Variants in PDLIM1 observed in about 807,000 individuals in gnomAD.
The protein encoded by PDLIM1 is PDZ and LIM domain 1.
A neutral mutation model predicts 35.2 loss-of-function variants in PDLIM1; 25 were observed. That is an observed-to-expected ratio of 0.71 (90% CI 0.52 to 0.99). The LOEUF (loss-of-function observed/expected upper bound fraction) is 0.99, where lower values mean the gene tolerates loss of function less well. Among genes scored for constraint, PDLIM1 ranks in the 50% least tolerant of loss-of-function variants. The pLI, the probability that PDLIM1 is intolerant of heterozygous loss-of-function variation, is 0.00. For missense variants in PDLIM1, 363 were observed against 415.3 expected (o/e 0.87, Z 1.09); for synonymous variants, 152 against 154.0 (o/e 0.99, Z 0.10).
At chr10:95,272,731 A>C (rs1289443710) in intron 1 of PDLIM1, among the ~76,000 whole-genome samples, 1 of 152,156 alleles carries the variant, frequency 6.6e-6, no homozygotes, top group Non-Finnish European at 1.5e-5. Context: ...AGGATATCCT[A>C]AAGTATGGTA....
intron 1 of PDLIM1, among the ~76,000 whole-genome samples, chr10:95,273,640 A>C (rs1380283910): frequency 6.6e-6 from 1 of 152,016 alleles, no homozygotes; most frequent in Non-Finnish European, 1.5e-5. Flanking sequence ...TCATTTGTTT[A>C]CCAGAGATCT....
rs2035512234 is a variant in PDLIM1, at chr10:95,276,422, T to TG, written c.97-4639_97-4638insC. Among the ~76,000 whole-genome samples the TG allele has an allele frequency of 8.5e-5, 13 of 152,176 alleles. No individual in the cohort carries two copies. The South Asian group carries it at 1.2e-3, about 15-fold the overall frequency. ...ACAGGACAGTCACTCCCCTGCCCTG[T>TG]ACTGATCTGGGGCCCAGTAACCCCA... On this transcript the variant is annotated intron_variant, in intron 1 of 6. Transcript: ENST00000329399.
In PDLIM1 at chr10:95,290,757, C is replaced by CAGA; in HGVS notation, c.96+62_96+63insTCT. 1 of 1,208,632 alleles carries CAGA rather than the reference C, an allele frequency of 8.3e-7. No homozygotes were observed. The highest frequency in any genetic ancestry group is 1.1e-6 in the Non-Finnish European group (1 of 877,976). The allele number at this position is 1,208,632 out of a possible 1,614,324, so 74.9% of individuals were successfully genotyped here. On this transcript the variant is annotated intron_variant, in intron 1 of 6. Transcript: ENST00000329399. This position sits in a 1 kb window ranked among gnomAD's most constrained non-coding sequence, Gnocchi z 4.7. ...CCGTCCCCGACCGCGCCCGCGGGGC[C>CAGA]CCAGTCTCCGCATATCACCTCCCAT...
chr10:95,268,952 G>T, intron 2 of PDLIM1, 90 bp from the exon 3 acceptor site: 1 of 900,086 alleles, frequency 1.1e-6, no homozygotes, highest in Non-Finnish European at 1.8e-6. Flanking sequence ...CCTCTTTCCT[G>T]GACTAGGCAC....
At chr10:95,274,673 AGTTT>A (rs1480851670) in intron 1 of PDLIM1, among the ~76,000 whole-genome samples, 1 of 152,166 alleles carries the variant, frequency 6.6e-6, no homozygotes, top group Non-Finnish European at 1.5e-5. Context: ...TTGGTGGGTT[AGTTT>A]GTTTAATGTT....
intron 4 of PDLIM1, among the ~76,000 whole-genome samples, chr10:95,256,984 AAAAAAG>A (rs1283623488): frequency 3.6e-5 from 5 of 138,768 alleles, no homozygotes; most frequent in African/African-American, 1.3e-4. Flanking sequence ...TAAAAAAAAA[AAAAAAG>A]AAAGAAAGAA....
At chr10:95,288,446 G>A (rs1476524538) in intron 1 of PDLIM1, among the ~76,000 whole-genome samples, 1 of 152,174 alleles carries the variant, frequency 6.6e-6, no homozygotes, top group Non-Finnish European at 1.5e-5. Context: ...ATCAGAAAGT[G>A]TGTACAGCTC....
At position 95,247,344 on chromosome 10, in the gene PDLIM1, T is replaced by C. The variant is rs1274985558; in HGVS notation, c.556A>G (p.Ser186Gly). Reference sequence around the variant, plus strand: ...GATTCTTTGTCGATGACAAGGCTGCTTGGAGGCTGAGCATGGTCTAAGCTG... The same window carrying C: ...GATTCTTTGTCGATGACAAGGCTGCCTGGAGGCTGAGCATGGTCTAAGCTG... ...SRPLDHAQPP[S>G]SLVIDKESEV... Residue 186 changes from serine to glycine, a missense_variant, in exon 5 of 7, where the codon AGC becomes GGC. By Grantham distance (56) the Ser-to-Gly change is moderately conservative. Coordinates refer to ENST00000329399, the MANE Select transcript of PDLIM1 (RefSeq NM_020992.4). 6.2e-7 allele frequency: 1 copy of C among 1,613,980 alleles called. No homozygotes were observed. The highest frequency in any genetic ancestry group is 8.5e-7 in the Non-Finnish European group (1 of 1,179,982).
chr10:95,247,195 C>G lies in PDLIM1; in HGVS notation c.685+20G>C. 6.2e-7 allele frequency: 1 copy of G among 1,603,056 alleles called. No individual in the cohort carries two copies. The highest frequency in any genetic ancestry group is 8.5e-7 in the Non-Finnish European group (1 of 1,173,864). On this transcript the variant is annotated intron_variant, in intron 5 of 6. Transcript: ENST00000329399. ...TCTGACCTTGAACAAGAGCCTCTGA[C>G]TGCAGATGGAGCTGATTACCTTTTT...
chr10:95,283,649 G>A (rs2035577586), intron 1 of PDLIM1, among the ~76,000 whole-genome samples: 1 of 152,218 alleles, frequency 6.6e-6, no homozygotes, highest in Non-Finnish European at 1.5e-5. Flanking sequence ...TTTACCTTAT[G>A]CTTTCTGTAG....
chr10:95,262,042 T>C (rs1479179518), intron 4 of PDLIM1, among the ~76,000 whole-genome samples: 1 of 149,806 alleles, frequency 6.7e-6, no homozygotes, highest in Non-Finnish European at 1.5e-5. Context: ...GAAATCTTAG[T>C]GTCCTCTCAG....
chr10:95,251,888 CTT>C (rs910579993), intron 4 of PDLIM1, among the ~76,000 whole-genome samples: 2 of 152,186 alleles, frequency 1.3e-5, no homozygotes, highest in African/African-American at 4.8e-5. Context: ...CCAGGGTGTT[CTT>C]GTTTCCTTGG....
At chr10:95,288,721 T>A (rs187048696) in intron 1 of PDLIM1, among the ~76,000 whole-genome samples, 2 of 152,338 alleles carry the variant, frequency 1.3e-5, no homozygotes. Context: ...TTTCCATGTA[T>A]TAATAAGGAG....
Position 95,246,074 on chromosome 10 carries a change from T to G in PDLIM1, c.685+1141A>C, listed in dbSNP as rs960297865. Among the ~76,000 whole-genome samples the G allele has an allele frequency of 2.0e-5, 3 of 152,170 alleles. No homozygotes were observed. In the East Asian group the frequency reaches 5.8e-4, roughly 29 times the overall value. ...TTTGCAGATGGGTCCATGAGAGAGA[T>G]AGAGGGCATAGAAAACAAGACCCCA... On this transcript the variant is annotated intron_variant, in intron 5 of 6. Transcript: ENST00000329399.
At chr10:95,246,478 T>C (rs2035222593) in intron 5 of PDLIM1, among the ~76,000 whole-genome samples, 1 of 152,150 alleles carries the variant, frequency 6.6e-6, no homozygotes, top group Admixed American at 6.5e-5. Flanking sequence ...TGCCTCAACA[T>C]CAAAGCTCAC....
In PDLIM1 at chr10:95,268,834, C is replaced by A; in HGVS notation, c.277G>T (p.Val93Leu). The part of the protein sequence containing the change: ...RSEHKVWSPL[V>L]TEEGKRHPYK... ...GGATGACGCTTCCCTTCCTCCGTCA[C>A]CAGAGGAGACCAGACTTTATGTTCA... The change falls in exon 3 of 7, where the codon GTG (valine) becomes TTG (leucine). Residue 93 changes from valine (V) to leucine (L), a missense_variant. By Grantham distance (32) the Val-to-Leu change is conservative (BLOSUM62 1). Coordinates refer to ENST00000329399, the MANE Select transcript of PDLIM1 (RefSeq NM_020992.4). The A allele has an allele frequency of 6.2e-7, 1 of 1,611,808 alleles. No homozygotes were observed. The highest frequency in any genetic ancestry group is 1.1e-5 in the South Asian group (1 of 91,022).
chr10:95,242,437 A>G (rs1049628899), intron 5 of PDLIM1, among the ~76,000 whole-genome samples: 3 of 152,082 alleles, frequency 2.0e-5, no homozygotes, highest in African/African-American at 7.2e-5. Flanking sequence ...TGTAATCCCC[A>G]GCACTTTGGA....
intron 5 of PDLIM1, among the ~76,000 whole-genome samples, chr10:95,243,744 T>C (rs929881653): frequency 6.6e-6 from 1 of 152,060 alleles, no homozygotes; most frequent in African/African-American, 2.4e-5. Context: ...TAAAATGTAA[T>C]ATACACAAAC....
At chr10:95,241,631 G>T (rs977096933) in intron 5 of PDLIM1, among the ~76,000 whole-genome samples, 1 of 152,174 alleles carries the variant, frequency 6.6e-6, no homozygotes, top group African/African-American at 2.4e-5. Context: ...GAGAAACCCT[G>T]CTCTCGATGG....
Sources: gnomAD v4.1 joint callset for allele counts (sites outside exome capture counted in the v4.1 genomes callset) on GRCh38, gnomAD v4.1.1 for gene constraint, Gnocchi (gnomAD v3.1) non-coding constraint, MANE v1.5 for transcripts, NCBI Gene and HGNC (gene_info 2026-07-23, HGNC 2026-07-21) for gene names.